MACROD2: variants seen among roughly 807,000 people sequenced by gnomAD.
MACROD2 encodes the protein mono-ADP ribosylhydrolase 2, also known as ADP-ribose glycohydrolase MACROD2.
A neutral mutation model predicts 70.4 loss-of-function variants in MACROD2; 36 were observed. The observed-to-expected ratio is 0.51, with a 90% CI of 0.39 to 0.68. The LOEUF (loss-of-function observed/expected upper bound fraction) is 0.68, where lower values mean the gene tolerates loss of function less well. Among genes scored for constraint, MACROD2 ranks in the 30% least tolerant of loss-of-function variants. The probability of loss-of-function intolerance (pLI) is 0.00; values close to 1 mark genes in which losing one functional copy is unlikely to be tolerated. For synonymous variants in MACROD2, 172 were observed against 178.8 expected, an observed-to-expected ratio of 0.96 and a Z score of 0.30; for missense variants, 496 against 538.4, an observed-to-expected ratio of 0.92 and a Z score of 0.78.
intron 2 of MACROD2, among the ~76,000 whole-genome samples, chr20:14,035,693 A>T (rs777134021): frequency 7.9e-5 from 12 of 152,224 alleles, no homozygotes; most frequent in Admixed American, 2.0e-4. Context: ...CTGAATAATA[A>T]CGTATATGGT....
chr20:15,051,668 C>A (rs901657709), intron 5 of MACROD2, among the ~76,000 whole-genome samples: 1 of 151,910 alleles, frequency 6.6e-6, no homozygotes, highest in Admixed American at 6.6e-5. Context: ...AGTTTCAGAG[C>A]TGCATCTTGG....
intron 6 of MACROD2, among the ~76,000 whole-genome samples, chr20:15,328,088 C>A (rs917757856): frequency 1.3e-5 from 2 of 151,858 alleles, no homozygotes; most frequent in African/African-American, 4.8e-5. Context: ...GGGCCAAGGT[C>A]CAAGGTGGGG....
intron 5 of MACROD2, among the ~76,000 whole-genome samples, chr20:15,033,169 TG>T (rs1201791026): frequency 3.9e-5 from 6 of 152,160 alleles, no homozygotes; most frequent in African/African-American, 1.4e-4. Context: ...CACAAAACCG[TG>T]GATGTAATTA....
intron 3 of MACROD2, among the ~76,000 whole-genome samples, chr20:14,188,203 A>T (rs2081359756): frequency 1.3e-5 from 2 of 152,148 alleles, no homozygotes; most frequent in African/African-American, 4.8e-5. Flanking sequence ...TCTGATCCCC[A>T]TCTATGAATC....
intron 6 of MACROD2, among the ~76,000 whole-genome samples, chr20:15,271,917 T>C (rs1236660050): frequency 6.6e-6 from 1 of 152,204 alleles, no homozygotes; most frequent in African/African-American, 2.4e-5. Context: ...TCTGTAAAGT[T>C]CTAGATTTCA....
intron 2 of MACROD2, among the ~76,000 whole-genome samples, chr20:14,022,213 G>A (rs1438008566): frequency 6.6e-6 from 1 of 152,070 alleles, no homozygotes; most frequent in African/African-American, 2.4e-5. Flanking sequence ...ATTCCATTGA[G>A]GAGGAATGAA....
intron 4 of MACROD2, among the ~76,000 whole-genome samples, chr20:14,500,678 A>G (rs2084906291): frequency 6.6e-6 from 1 of 152,236 alleles, no homozygotes; most frequent in African/African-American, 2.4e-5. Context: ...AACTTTGGTT[A>G]CTGTGATCCC....
chr20:14,638,471 T>C (rs1256746567), intron 4 of MACROD2, among the ~76,000 whole-genome samples: 3 of 152,072 alleles, frequency 2.0e-5, no homozygotes, highest in Non-Finnish European at 4.4e-5. Flanking sequence ...CAGGATTATA[T>C]ATAGAGAGAG....
intron 10 of MACROD2, among the ~76,000 whole-genome samples, chr20:15,919,958 C>T (rs971272556): frequency 6.6e-6 from 1 of 152,060 alleles, no homozygotes; most frequent in Non-Finnish European, 1.5e-5. Context: ...AATTCAACAT[C>T]AGGAGGTCTT....
At chr20:15,260,249 T>C (rs2060417948) in intron 6 of MACROD2, among the ~76,000 whole-genome samples, 1 of 151,710 alleles carries the variant, frequency 6.6e-6, no homozygotes, top group African/African-American at 2.4e-5. Flanking sequence ...AACTGTACTT[T>C]TGTGCCCATT....
At chr20:14,864,026 A>G (rs1302978514) in intron 5 of MACROD2, among the ~76,000 whole-genome samples, 1 of 152,112 alleles carries the variant, frequency 6.6e-6, no homozygotes, top group African/African-American at 2.4e-5. Flanking sequence ...TACATGATGT[A>G]GGCTATTTCC....
At chr20:15,050,822 A>G (rs1477093666) in intron 5 of MACROD2, among the ~76,000 whole-genome samples, 1 of 151,888 alleles carries the variant, frequency 6.6e-6, no homozygotes, top group Non-Finnish European at 1.5e-5. Flanking sequence ...TTCATCCCTG[A>G]TGTAAGGTTG....
At chr20:15,918,007 T>A (rs6080022) in intron 10 of MACROD2, among the ~76,000 whole-genome samples, 2 of 152,214 alleles carry the variant, frequency 1.3e-5, no homozygotes, top group East Asian at 3.9e-4. Flanking sequence ...ACATGAAAAC[T>A]GTGCAGAGAC....
chr20:14,344,745 AG>A (rs1423220554), intron 3 of MACROD2, among the ~76,000 whole-genome samples: 1 of 152,240 alleles, frequency 6.6e-6, no homozygotes, highest in African/African-American at 2.4e-5. Flanking sequence ...AATTGAAGGT[AG>A]ACTTGAAAAA....
chr20:14,811,870 A>G (rs1464161402), intron 5 of MACROD2, among the ~76,000 whole-genome samples: 1 of 152,154 alleles, frequency 6.6e-6, no homozygotes, highest in Non-Finnish European at 1.5e-5. Flanking sequence ...AATCAAAACC[A>G]CAATGAGATA....
intron 6 of MACROD2, among the ~76,000 whole-genome samples, chr20:15,369,049 G>A (rs2045453862): frequency 6.6e-6 from 1 of 152,138 alleles, no homozygotes; most frequent in African/African-American, 2.4e-5. Context: ...CATTATAATG[G>A]TTCCTGATAG....
At chr20:14,376,109 T>C (rs1274272256) in intron 3 of MACROD2, among the ~76,000 whole-genome samples, 1 of 152,204 alleles carries the variant, frequency 6.6e-6, no homozygotes, top group East Asian at 1.9e-4. Flanking sequence ...GATTTCTTGC[T>C]CCTGATGCAT....
At chr20:15,379,124 T>C (rs2045606430) in intron 6 of MACROD2, among the ~76,000 whole-genome samples, 1 of 152,174 alleles carries the variant, frequency 6.6e-6, no homozygotes, top group Non-Finnish European at 1.5e-5. Context: ...ATTGTTACAA[T>C]AGTTATTATT....
At chr20:16,009,322 C>A (rs1413555034) in intron 15 of MACROD2, among the ~76,000 whole-genome samples, 5 of 152,172 alleles carry the variant, frequency 3.3e-5, no homozygotes, top group Non-Finnish European at 5.9e-5. Flanking sequence ...GACACAGGAG[C>A]ATGGAAACAG....
Sources: allele counts gnomAD v4.1 joint callset (sites outside exome capture counted in the v4.1 genomes callset), GRCh38; gene constraint gnomAD v4.1.1; transcripts MANE v1.5; gene names NCBI Gene and HGNC (gene_info 2026-07-23, HGNC 2026-07-21).